PPHLN1: variants seen among roughly 807,000 people sequenced by gnomAD.
PPHLN1 encodes periphilin 1, also known as periphilin-1.
In PPHLN1, 29 loss-of-function variants were observed where a neutral mutation model predicts 51.3. The observed-to-expected ratio is 0.57, with a 90% CI of 0.42 to 0.77. The LOEUF (loss-of-function observed/expected upper bound fraction) is 0.77, where lower values mean the gene tolerates loss of function less well. Among genes scored for constraint, PPHLN1 ranks in the 30% least tolerant of loss-of-function variants. The pLI, the probability that PPHLN1 is intolerant of heterozygous loss-of-function variation, is 0.00. For missense variants in PPHLN1, 436 were observed against 438.4 expected, an observed-to-expected ratio of 0.99 and a Z score of 0.05; for synonymous variants, 147 against 147.8, an observed-to-expected ratio of 0.99 and a Z score of 0.04.
In PPHLN1 at chr12:42,355,193, T is replaced by C. The variant is rs775152827; in HGVS notation, c.270T>C (p.Asp90=). 5 of 1,613,792 alleles carry C rather than the reference T, an allele frequency of 3.1e-6. No individual in the cohort carries two copies. The highest frequency in any genetic ancestry group is 3.4e-6 in the Non-Finnish European group (4 of 1,179,818). The change falls in exon 4 of 10, where the codon GAT becomes GAC. Residue 90 remains aspartate (D), a synonymous_variant. Transcript: ENST00000358314. ...CTGGTTATAGATGGACAAGAGACGA[T>C]CATTCTGCAAGCAGGCAACCTGAAT... ...DESGYRWTRD[D]HSASRQPEYR...
rs1165120802 is a variant in PPHLN1 at position 42,414,268 on chromosome 12, C to T, written c.909+15274C>T. Among the ~76,000 whole-genome samples, 5 of 152,046 alleles carry T rather than the reference C, an allele frequency of 3.3e-5. No individual in the cohort carries two copies. In the East Asian group the frequency reaches 9.7e-4, roughly 29 times the overall value. ...CAGGCTGGTCCGGAACTCCTGACCT[C>T]AGGTGATCCACCAGCCTCGGCCTCC... On this transcript the variant is annotated intron_variant, in intron 9 of 9. Coordinates refer to ENST00000358314, the MANE Select transcript of PPHLN1 (RefSeq NM_201439.2).
At chr12:42,416,333 G>C (rs1242225405) in intron 9 of PPHLN1, among the ~76,000 whole-genome samples, 3 of 152,178 alleles carry the variant, frequency 2.0e-5, no homozygotes, top group Non-Finnish European at 4.4e-5. Flanking sequence ...ACTTTGTCTT[G>C]ACTTGGTAGA....
At chr12:42,389,781 G>A (rs1340807195) in intron 7 of PPHLN1, among the ~76,000 whole-genome samples, 1 of 152,184 alleles carries the variant, frequency 6.6e-6, no homozygotes, top group Non-Finnish European at 1.5e-5. Flanking sequence ...GGAGTTGGGA[G>A]TGTAGGCAGA....
rs781472291 is a variant in PPHLN1 at position 42,398,923 on chromosome 12, G to C, written c.838G>C (p.Glu280Gln). 7 of 1,614,118 alleles carry C rather than the reference G, an allele frequency of 4.3e-6. No individual in the cohort carries two copies. Among genetic ancestry groups the C allele is most frequent in the Non-Finnish European group, 5.1e-6 (6 of 1,179,992 alleles). Residue 280 changes from glutamate (E) to glutamine (Q), a missense_variant, in exon 9 of 10, where the codon GAA becomes CAA. Physicochemically the swap from Glu to Gln is conservative, Grantham distance 29 (BLOSUM62 2). Transcript: ENST00000358314. ...EPESNTTHGI[E>Q]LFEDSQLTTR... is the part of the protein sequence containing the mutation. ...TGAGTCAAACACAACACATGGGATA[G>C]AATTATTTGAAGATAGTCAGCTAAC...
At chr12:42,397,725 TA>T (rs796220542) in intron 8 of PPHLN1, among the ~76,000 whole-genome samples, 3 of 149,686 alleles carry the variant, frequency 2.0e-5, no homozygotes, top group Admixed American at 6.7e-5. Context: ...CAAACTTCTT[TA>T]AAAAAAAAAC....
At chr12:42,348,276 ATTTTTTTT>A (rs1213561958) in intron 2 of PPHLN1, among the ~76,000 whole-genome samples, 12 of 85,606 alleles carry the variant, frequency 1.4e-4, no homozygotes, top group African/African-American at 3.9e-4. Flanking sequence ...CACCTGGCTA[ATTTTTTTT>A]TTTTTTTTTT....
chr12:42,444,984 A>G (rs1264944276), downstream of PPHLN1: 3 of 691,402 alleles, frequency 4.3e-6, no homozygotes, highest in African/African-American at 3.5e-5. Flanking sequence ...GGCCCTAGAA[A>G]CTTTTTCTGT....
chr12:42,335,928 A>G lies in PPHLN1; in HGVS notation c.26A>G (p.Tyr9Cys). The change falls in exon 2 of 10, where the codon TAT becomes TGT. Residue 9 changes from tyrosine to cysteine, a missense_variant. By Grantham distance (194) the Tyr-to-Cys change is radical. Transcript: ENST00000358314. MWSEGRYE[Y>C]ERIPRERAPP... The stretch of plus-strand genomic sequence containing the variant: ...ATGTGGTCTGAGGGACGATATGAAT[A>G]TGAAAGAATTCCGAGAGAACGAGCA... 6.3e-7 allele frequency: 1 copy of G among 1,587,910 alleles called. No individual in the cohort carries two copies. The highest frequency in any genetic ancestry group is 8.6e-7 in the Non-Finnish European group (1 of 1,165,714).
At chr12:42,367,857 C>T (rs1002562044) in intron 4 of PPHLN1, among the ~76,000 whole-genome samples, 13 of 152,290 alleles carry the variant, frequency 8.5e-5, no homozygotes, top group African/African-American at 2.4e-4. Flanking sequence ...GCCTCAGCCT[C>T]CCGAGCAGCT....
intron 2 of PPHLN1, among the ~76,000 whole-genome samples, chr12:42,348,301 T>TTTTTTTTTA (rs1351410831): frequency 0.019 from 2,509 of 130,616 alleles, 49 homozygotes; most frequent in Non-Finnish European, 0.024. Flanking sequence ...TTTTTTTTTT[T>TTTTTTTTTA]AGTAGAAACG....
At chr12:42,405,163 A>T (rs1159997540) in intron 9 of PPHLN1, among the ~76,000 whole-genome samples, 2 of 152,246 alleles carry the variant, frequency 1.3e-5, no homozygotes, top group Non-Finnish European at 2.9e-5. Flanking sequence ...TAGCATAAAA[A>T]GATTAATGTT....
chr12:42,446,088 C>T (rs201087250), downstream of PPHLN1: 5,915 of 1,551,576 alleles, frequency 3.8e-3, 37 homozygotes, highest in South Asian at 0.015. Flanking sequence ...CCGCAGGCCC[C>T]GCAGCCCCTG....
chr12:42,358,208 T>A (rs2074253087), intron 4 of PPHLN1, among the ~76,000 whole-genome samples: 1 of 152,194 alleles, frequency 6.6e-6, no homozygotes, highest in Non-Finnish European at 1.5e-5. Context: ...TATGTTAATT[T>A]TAATTTTCTC....
intron 9 of PPHLN1, among the ~76,000 whole-genome samples, chr12:42,429,261 T>A (rs1035376437): frequency 6.6e-5 from 10 of 152,350 alleles, no homozygotes; most frequent in African/African-American, 2.4e-4. Context: ...TACATTGGTT[T>A]TTTTCCTAAT....
chr12:42,391,069 A>G (rs1158616112), intron 7 of PPHLN1, among the ~76,000 whole-genome samples: 5 of 152,130 alleles, frequency 3.3e-5, no homozygotes, highest in African/African-American at 1.2e-4. Flanking sequence ...CCAAGGTCAC[A>G]TGGTAGCTGT....
intron 1 of PPHLN1, among the ~76,000 whole-genome samples, chr12:42,331,081 T>C (rs1048488887): frequency 6.6e-6 from 1 of 152,210 alleles, no homozygotes; most frequent in African/African-American, 2.4e-5. Context: ...CGATCTCTCT[T>C]TCTTTTCCCC....
At chr12:42,448,344 T>A (rs958377255), downstream of PPHLN1, 5 of 151,316 alleles carry the variant, frequency 3.3e-5, no homozygotes, top group Admixed American at 6.6e-5. Flanking sequence ...CTTGTTAGTG[T>A]TAAAATCTAT....
At chr12:42,440,167 T>C (rs935676016) in intron 9 of PPHLN1, among the ~76,000 whole-genome samples, 2 of 151,302 alleles carry the variant, frequency 1.3e-5, no homozygotes, top group African/African-American at 4.8e-5. Context: ...TCATTGGTAT[T>C]TTATAGTTTT....
chr12:42,349,458 G>A (rs1052367437), intron 2 of PPHLN1, among the ~76,000 whole-genome samples: 3 of 151,890 alleles, frequency 2.0e-5, no homozygotes, highest in South Asian at 2.1e-4. Context: ...CTCGGAGAGG[G>A]GGATTTGGCA....
Sources: allele counts gnomAD v4.1 joint callset (sites outside exome capture counted in the v4.1 genomes callset), GRCh38; gene constraint gnomAD v4.1.1; transcripts MANE v1.5; gene names NCBI Gene and HGNC (gene_info 2026-07-23, HGNC 2026-07-21).